TAFA1: variants seen among roughly 807,000 people sequenced by gnomAD.
TAFA1 encodes the protein TAFA chemokine like family member 1.
TAFA1 carries 4 observed loss-of-function variants against 18.5 expected under a neutral mutation model. The observed-to-expected ratio is 0.22, with a 90% CI of 0.11 to 0.49. The LOEUF is 0.49. Among genes scored for constraint, TAFA1 ranks in the 20% least tolerant of loss-of-function variants. The pLI is 0.98. For missense variants in TAFA1, 147 were observed against 169.0 expected (o/e 0.87, Z 0.72); for synonymous variants, 56 against 55.2 (o/e 1.01, Z -0.06).
chr3:68,162,866 C>T (rs1255236684), intron 2 of TAFA1, among the ~76,000 whole-genome samples: 1 of 152,168 alleles, frequency 6.6e-6, no homozygotes, highest in East Asian at 1.9e-4. Context: ...TGAGGAATGA[C>T]AAAATTTTTA....
intron 2 of TAFA1, among the ~76,000 whole-genome samples, chr3:68,041,639 G>C (rs1389882464): frequency 2.0e-5 from 3 of 152,228 alleles, no homozygotes; most frequent in African/African-American, 7.2e-5. Flanking sequence ...CATTGTGCTA[G>C]GTGCTGGAGC....
chr3:68,118,896 G>A (rs939009117), intron 2 of TAFA1, among the ~76,000 whole-genome samples: 16 of 151,958 alleles, frequency 1.1e-4, no homozygotes, highest in Non-Finnish European at 1.5e-4. Context: ...ACACAGAAAT[G>A]GAATTGCCAA....
intron 2 of TAFA1, among the ~76,000 whole-genome samples, chr3:68,309,398 G>T (rs1021123192): frequency 6.6e-6 from 1 of 152,028 alleles, no homozygotes; most frequent in Admixed American, 6.6e-5. Context: ...AATAATCAAG[G>T]TATTATACCT....
At chr3:68,262,087 C>T (rs537742221) in intron 2 of TAFA1, among the ~76,000 whole-genome samples, 16 of 150,864 alleles carry the variant, frequency 1.1e-4, no homozygotes, top group East Asian at 2.0e-4. Flanking sequence ...GTTGGAGAAA[C>T]GCTCTCTGCT....
chr3:68,214,673 A>G (rs745801897), intron 2 of TAFA1, among the ~76,000 whole-genome samples: 2 of 152,038 alleles, frequency 1.3e-5, no homozygotes, highest in Non-Finnish European at 2.9e-5. Context: ...TAAGTAGGAT[A>G]TTATGTGCTA....
intron 2 of TAFA1, among the ~76,000 whole-genome samples, chr3:68,059,979 C>T (rs1364843274): frequency 1.3e-5 from 2 of 151,958 alleles, no homozygotes; most frequent in Admixed American, 1.3e-4. Context: ...GAGGAGCCAG[C>T]TAAGCACACG....
At chr3:68,240,642 C>A (rs895932885) in intron 2 of TAFA1, among the ~76,000 whole-genome samples, 3 of 152,098 alleles carry the variant, frequency 2.0e-5, no homozygotes, top group Admixed American at 6.5e-5. Context: ...TATGTCCTAG[C>A]GTCTGAACTG....
chr3:68,220,339 C>G (rs2066714072), intron 2 of TAFA1, among the ~76,000 whole-genome samples: 2 of 152,080 alleles, frequency 1.3e-5, no homozygotes, highest in Admixed American at 6.6e-5. Context: ...GTGATTAATT[C>G]AAGCTGAATA....
intron 2 of TAFA1, among the ~76,000 whole-genome samples, chr3:68,076,916 T>A (rs532786290): frequency 1.6e-4 from 24 of 152,294 alleles, no homozygotes; most frequent in African/African-American, 5.5e-4. Context: ...TAGTTTACAA[T>A]CCCACCAACA....
chr3:68,467,740 G>C (rs947751433), intron 3 of TAFA1, among the ~76,000 whole-genome samples: 3 of 152,120 alleles, frequency 2.0e-5, no homozygotes, highest in African/African-American at 7.2e-5. Flanking sequence ...TAGAGGATGG[G>C]GAACCTGGTT....
chr3:68,044,631 A>G (rs1705231977), intron 2 of TAFA1, among the ~76,000 whole-genome samples: 1 of 152,210 alleles, frequency 6.6e-6, no homozygotes, highest in African/African-American at 2.4e-5. Context: ...ACATTGATAT[A>G]TTGACATTGA....
intron 3 of TAFA1, among the ~76,000 whole-genome samples, chr3:68,487,751 C>CAAAAAA (rs35345325): frequency 1.5e-5 from 1 of 66,870 alleles, no homozygotes; most frequent in African/African-American, 5.3e-5. Flanking sequence ...AACTCTGTCT[C>CAAAAAA]AAAAAAAAAA....
Position 68,199,579 on chromosome 3 carries a change from T to C in TAFA1, c.118+192835T>C, listed in dbSNP as rs1028868603. The stretch of plus-strand genomic sequence containing the variant: ...CCTCATATAAAGATATTTTGTGAGA[T>C]TTGTACTAAGTATTTCATTTTGGGG... On this transcript the variant is annotated intron_variant, in intron 2 of 4. Transcript: ENST00000478136. 2.0e-5 allele frequency among the ~76,000 whole-genome samples: 3 copies of C among 151,646 alleles called. No homozygotes were observed. In the East Asian group the frequency reaches 5.9e-4, roughly 30 times the overall value.
intron 2 of TAFA1, among the ~76,000 whole-genome samples, chr3:68,391,970 G>C (rs2070261625): frequency 6.6e-6 from 1 of 152,100 alleles, no homozygotes. Flanking sequence ...AAAATAACCA[G>C]CTGGAATCAT....
At chr3:68,536,045 T>C (rs2073274429) in intron 3 of TAFA1, among the ~76,000 whole-genome samples, 2 of 152,220 alleles carry the variant, frequency 1.3e-5, no homozygotes, top group African/African-American at 4.8e-5. Context: ...GTGTGATTGC[T>C]ATCTCATTTT....
chr3:68,377,398 G>A (rs2069839511), intron 2 of TAFA1, among the ~76,000 whole-genome samples: 2 of 152,152 alleles, frequency 1.3e-5, no homozygotes. Context: ...TGGAGCAAAG[G>A]TCACTCTTAC....
At chr3:68,446,170 G>A (rs974669764) in intron 3 of TAFA1, among the ~76,000 whole-genome samples, 1 of 152,068 alleles carries the variant, frequency 6.6e-6, no homozygotes, top group African/African-American at 2.4e-5. Flanking sequence ...GCCTTCCAAA[G>A]TGTTGGGATT....
intron 3 of TAFA1, among the ~76,000 whole-genome samples, chr3:68,430,055 G>A (rs1392702229): frequency 6.6e-6 from 1 of 151,904 alleles, no homozygotes; most frequent in Non-Finnish European, 1.5e-5. Flanking sequence ...GCCCCTTGCT[G>A]TCATGGAACC....
chr3:68,423,342 A>C (rs2070993468), intron 3 of TAFA1, among the ~76,000 whole-genome samples: 2 of 152,106 alleles, frequency 1.3e-5, no homozygotes, highest in Admixed American at 6.6e-5. Flanking sequence ...GGATCAGCGA[A>C]ATTTGGTGAC....
Sources: allele counts gnomAD v4.1 joint callset (sites outside exome capture counted in the v4.1 genomes callset), GRCh38; gene constraint gnomAD v4.1.1; transcripts MANE v1.5; gene names NCBI Gene and HGNC (gene_info 2026-07-23, HGNC 2026-07-21).